The following RAD18 variants were observed in gnomAD, a reference collection of about 807,000 sequenced individuals.
RAD18 encodes RAD18 E3 ubiquitin protein ligase.
In RAD18, 47 loss-of-function variants were observed where a neutral mutation model predicts 60.4. That is an observed-to-expected ratio of 0.78 (90% CI 0.62 to 0.99). The LOEUF (loss-of-function observed/expected upper bound fraction) is 0.99. RAD18 is among the 50% of genes least tolerant of loss of function. RAD18 has a pLI of 0.00. For synonymous variants in RAD18, 225 were observed against 195.5 expected (o/e 1.15, Z -1.26); for missense variants, 640 against 593.3 (o/e 1.08, Z -0.82).
intron 7 of RAD18, among the ~76,000 whole-genome samples, chr3:8,932,472 C>T (rs1367618569): frequency 6.6e-6 from 1 of 152,174 alleles, no homozygotes; most frequent in South Asian, 2.1e-4. Context: ...CACTACTACA[C>T]ATTGACTAGA....
At chr3:8,928,205 TAAA>T (rs1264981559) in intron 7 of RAD18, among the ~76,000 whole-genome samples, 1 of 151,474 alleles carries the variant, frequency 6.6e-6, no homozygotes, top group Non-Finnish European at 1.5e-5. Flanking sequence ...GTATAGCTCG[TAAA>T]ATGAAGATAA....
chr3:8,959,740 A>T (rs1399656932), intron 1 of RAD18, among the ~76,000 whole-genome samples: 3 of 152,170 alleles, frequency 2.0e-5, no homozygotes, highest in Non-Finnish European at 4.4e-5. Flanking sequence ...AAAATAAAAT[A>T]TTATTCCATT....
chr3:8,957,629 T>C (rs1941034794), intron 2 of RAD18, among the ~76,000 whole-genome samples: 1 of 152,202 alleles, frequency 6.6e-6, no homozygotes, highest in African/African-American at 2.4e-5. Flanking sequence ...TGATTTATCT[T>C]GGAAAGCTAA....
intron 7 of RAD18, among the ~76,000 whole-genome samples, chr3:8,922,486 G>T (rs774171944): frequency 6.6e-6 from 1 of 152,218 alleles, no homozygotes; most frequent in East Asian, 1.9e-4. Context: ...CTCCACCTCT[G>T]GGGGCAGGGC....
Position 8,914,590 on chromosome 3 carries a change from A to T in RAD18, c.890-870T>A, listed in dbSNP as rs146718881. 3.9e-5 allele frequency among the ~76,000 whole-genome samples: 6 copies of T among 152,334 alleles called. No individual in the cohort carries two copies. In the East Asian group the frequency reaches 1.2e-3, roughly 29 times the overall value. ...CCACAGACCTTATGACGATCATTTA[A>T]GAATGCAACTGTCTCAATACAAAGT... is the stretch of plus-strand genomic sequence containing the variant. On this transcript the variant is annotated intron_variant, in intron 7 of 12. Transcript: ENST00000264926.
intron 12 of RAD18, among the ~76,000 whole-genome samples, chr3:8,883,110 G>A (rs139807248): frequency 6.6e-6 from 1 of 152,186 alleles, no homozygotes; most frequent in South Asian, 2.1e-4. Flanking sequence ...ATGTGAGGGG[G>A]TGCACATAGA....
chr3:8,891,075 A>AATATAT (rs71049753), intron 11 of RAD18, among the ~76,000 whole-genome samples: 27 of 25,972 alleles, frequency 1.0e-3, no homozygotes, highest in Admixed American at 3.5e-3. Context: ...ATATATATAA[A>AATATAT]ATATATATAT....
intron 6 of RAD18, among the ~76,000 whole-genome samples, chr3:8,937,236 C>T (rs969091596): frequency 2.6e-5 from 4 of 152,142 alleles, no homozygotes; most frequent in African/African-American, 7.2e-5. Flanking sequence ...TGATTCATTA[C>T]GTCTGTATCT....
intron 7 of RAD18, among the ~76,000 whole-genome samples, chr3:8,935,323 T>C (rs919096090): frequency 1.3e-5 from 2 of 152,264 alleles, no homozygotes; most frequent in Non-Finnish European, 2.9e-5. Context: ...CACAGAATAC[T>C]ATCATTTTGT....
intron 4 of RAD18, 94 bp from the exon 5 acceptor site, chr3:8,941,898 T>C: frequency 8.5e-7 from 1 of 1,180,182 alleles, no homozygotes; most frequent in South Asian, 1.5e-5. Context: ...AACCTTGTTT[T>C]CTGAAATACA....
chr3:8,903,599 T>C (rs1939951390), intron 9 of RAD18, among the ~76,000 whole-genome samples: 1 of 152,210 alleles, frequency 6.6e-6, no homozygotes, highest in African/African-American at 2.4e-5. Context: ...AAGATCATCA[T>C]TATTAATGTA....
At chr3:8,930,138 A>T (rs914212913) in intron 7 of RAD18, among the ~76,000 whole-genome samples, 1 of 152,242 alleles carries the variant, frequency 6.6e-6, no homozygotes, top group African/African-American at 2.4e-5. Flanking sequence ...TCATAACAGC[A>T]TTATTTATAA....
chr3:8,913,408 G>A (rs1445967636), intron 8 of RAD18, among the ~76,000 whole-genome samples: 1 of 152,080 alleles, frequency 6.6e-6, no homozygotes, highest in Non-Finnish European at 1.5e-5. Context: ...ACAGGCACAG[G>A]CATTTTCTAT....
intron 2 of RAD18, among the ~76,000 whole-genome samples, chr3:8,958,571 A>G (rs1941047571): frequency 1.3e-5 from 2 of 152,238 alleles, no homozygotes; most frequent in Non-Finnish European, 2.9e-5. Context: ...ATCAAGTACT[A>G]CTTGGTGGAA....
rs372038823 is a variant in RAD18 at position 8,938,633 on chromosome 3, T to C, written c.704+921A>G. On this transcript the variant is annotated intron_variant, in intron 6 of 12. Transcript: ENST00000264926. ...TTTCTGCATGTCAAGGATAACCTCA[T>C]TACTGGGCTCTTGTGCTCCTCACTT... 1.3e-4 allele frequency among the ~76,000 whole-genome samples: 20 copies of C among 152,280 alleles called. No individual in the cohort carries two copies. In the East Asian group the frequency reaches 3.3e-3, roughly 25 times the overall value.
chr3:8,933,052 C>T (rs546446687), intron 7 of RAD18, among the ~76,000 whole-genome samples: 249 of 151,974 alleles, frequency 1.6e-3, no homozygotes, highest in African/African-American at 5.1e-3. Flanking sequence ...GCCGAGATCG[C>T]GCCATTGCAC....
intron 7 of RAD18, among the ~76,000 whole-genome samples, chr3:8,919,679 G>A (rs592802): frequency 0.54 from 82,198 of 152,146 alleles, 26,214 homozygotes; most frequent in Middle Eastern, 0.71. Flanking sequence ...TAGAAGCAAA[G>A]ACACCAAGTA....
chr3:8,912,388 A>G lies in RAD18; in HGVS notation c.967-16T>C. 6.7e-7 allele frequency: 1 copy of G among 1,501,286 alleles called. No homozygotes were observed. Among genetic ancestry groups the G allele is most frequent in the Non-Finnish European group, 9.0e-7 (1 of 1,111,022 alleles). 93.0% of individuals were successfully genotyped at this position (1,501,286 alleles called of 1,614,324 possible). A position where few individuals can be genotyped will look rare whatever the true frequency, so the allele number is the denominator to read the frequency against. ...AAACCATTACCTAAAATAATCAAAA[A>G]AAGACCTTAATAAAAATCTCCCCAA... On this transcript the variant is annotated splice_polypyrimidine_tract_variant and intron_variant, in intron 8 of 12. Coordinates refer to ENST00000264926, the MANE Select transcript of RAD18 (RefSeq NM_020165.4).
intron 2 of RAD18, 149 bp downstream of exon 2, chr3:8,958,771 G>A (rs1288838904): frequency 6.8e-6 from 4 of 589,488 alleles, no homozygotes; most frequent in African/African-American, 1.9e-5. Context: ...TATTCAAGAG[G>A]AAGGCAGTGA....
Sources: allele counts gnomAD v4.1 joint callset (sites outside exome capture counted in the v4.1 genomes callset), GRCh38; gene constraint gnomAD v4.1.1; transcripts MANE v1.5; gene names NCBI Gene and HGNC (gene_info 2026-07-23, HGNC 2026-07-21).